RGS7: variants seen among roughly 807,000 people sequenced by gnomAD.
The protein encoded by RGS7 is regulator of G-protein signaling 7.
A neutral mutation model predicts 81.1 loss-of-function variants in RGS7; 27 were observed. The ratio of observed to expected loss-of-function variants is 0.33; its 90% confidence interval spans 0.25 to 0.46. The LOEUF (loss-of-function observed/expected upper bound fraction) is 0.46, where lower values mean the gene tolerates loss of function less well. Ranked by LOEUF, RGS7 falls within the 20% of genes least tolerant of loss-of-function variation. The probability of loss-of-function intolerance (pLI) is 1.00; values close to 1 mark genes in which losing one functional copy is unlikely to be tolerated. For missense variants in RGS7, 396 were observed against 607.4 expected (o/e 0.65, Z 3.66); for synonymous variants, 208 against 207.7 (o/e 1.00, Z -0.01).
At chr1:241,003,868 C>A (rs2148639614) in intron 3 of RGS7, among the ~76,000 whole-genome samples, 1 of 152,290 alleles carries the variant, frequency 6.6e-6, no homozygotes, top group South Asian at 2.1e-4. Context: ...CCTGCCTCAG[C>A]CTCCCAAGTA....
intron 2 of RGS7, among the ~76,000 whole-genome samples, chr1:241,103,129 G>A (rs2064879399): frequency 6.6e-6 from 1 of 151,862 alleles, no homozygotes; most frequent in Non-Finnish European, 1.5e-5. Context: ...AAAGACTCAG[G>A]TACCTCAAGT....
chr1:241,293,821 G>C (rs531016784), intron 2 of RGS7, among the ~76,000 whole-genome samples: 28 of 152,174 alleles, frequency 1.8e-4, no homozygotes, highest in Non-Finnish European at 2.9e-4. Context: ...GGAGAAATAG[G>C]AACACGTTTA....
In RGS7 at chr1:241,124,224, G is replaced by A. The variant is rs182183905; in HGVS notation, c.79-25462C>T. On this transcript the variant is annotated intron_variant, in intron 2 of 18. Transcript: ENST00000440928. ...GCCTGGGCAACATTAGTGAGACCTCGTCTCTAGAAAAAAAAAAAAAATTAG... is the reference window on the plus strand; with the variant it reads ...GCCTGGGCAACATTAGTGAGACCTCATCTCTAGAAAAAAAAAAAAAATTAG... 1.2e-3 allele frequency among the ~76,000 whole-genome samples: 183 copies of A among 146,920 alleles called. 3 individuals are homozygous for A. The highest frequency in any genetic ancestry group is 4.5e-3 in the African/African-American group (175 of 39,022).
chr1:240,964,917 A>C (rs1376460610), intron 4 of RGS7, among the ~76,000 whole-genome samples: 1 of 152,120 alleles, frequency 6.6e-6, no homozygotes, highest in Non-Finnish European at 1.5e-5. Flanking sequence ...TTCCTTTCGG[A>C]CACTTGTTCT....
At chr1:240,779,103 GT>G (rs1683508150) in intron 18 of RGS7, among the ~76,000 whole-genome samples, 1 of 18,316 alleles carries the variant, frequency 5.5e-5, no homozygotes, top group Non-Finnish European at 1.9e-4. Flanking sequence ...TGTTCTTTGT[GT>G]GTGTGTGTGT....
chr1:241,123,682 C>T (rs952633450), intron 2 of RGS7, among the ~76,000 whole-genome samples: 1 of 152,130 alleles, frequency 6.6e-6, no homozygotes, highest in African/African-American at 2.4e-5. Flanking sequence ...ACCCGGGAGG[C>T]GGAGGTGGTG....
intron 9 of RGS7, among the ~76,000 whole-genome samples, chr1:240,843,804 T>C (rs941192843): frequency 2.6e-5 from 4 of 152,214 alleles, no homozygotes; most frequent in African/African-American, 9.6e-5. Flanking sequence ...TTGAAGAAGA[T>C]AGCTGATGTC....
At chr1:240,955,546 T>A (rs6660126) in intron 4 of RGS7, among the ~76,000 whole-genome samples, 2 of 143,564 alleles carry the variant, frequency 1.4e-5, no homozygotes. Context: ...AGCAAGACTC[T>A]GTCTCAAAAA....
intron 9 of RGS7, among the ~76,000 whole-genome samples, chr1:240,841,204 T>C (rs1210154480): frequency 6.6e-6 from 1 of 152,122 alleles, no homozygotes; most frequent in African/African-American, 2.4e-5. Context: ...GGGGGTTAAG[T>C]AGTTAAAAAG....
chr1:240,885,298 T>C (rs1431131905), intron 6 of RGS7, among the ~76,000 whole-genome samples: 1 of 152,038 alleles, frequency 6.6e-6, no homozygotes, highest in Non-Finnish European at 1.5e-5. Context: ...TGCACACTCT[T>C]GGTGGGAGTG....
intron 2 of RGS7, among the ~76,000 whole-genome samples, chr1:241,104,659 ATAAAAG>A (rs201299186): frequency 0.023 from 3,530 of 152,332 alleles, 48 homozygotes; most frequent in Middle Eastern, 0.037. Flanking sequence ...ACTATGCGTG[ATAAAAG>A]TAAAAGTTAA....
intron 2 of RGS7, among the ~76,000 whole-genome samples, chr1:241,318,938 C>CA (rs2081051401): frequency 6.6e-6 from 1 of 151,840 alleles, no homozygotes; most frequent in Non-Finnish European, 1.5e-5. Context: ...TTTTTTTTAA[C>CA]AAAAAAGCAG....
intron 9 of RGS7, among the ~76,000 whole-genome samples, chr1:240,828,794 GACAA>G (rs1005757792): frequency 1.4e-4 from 22 of 152,234 alleles, no homozygotes; most frequent in East Asian, 1.4e-3. Context: ...TCTCAAAACA[GACAA>G]ACAAACAAAC....
At chr1:241,025,088 C>T (rs1440421505) in intron 3 of RGS7, among the ~76,000 whole-genome samples, 1 of 152,150 alleles carries the variant, frequency 6.6e-6, no homozygotes, top group Non-Finnish European at 1.5e-5. Context: ...AGCGCAAAAG[C>T]CACCCTTGGT....
intron 2 of RGS7, among the ~76,000 whole-genome samples, chr1:241,210,311 C>T (rs897828265): frequency 1.3e-5 from 2 of 151,984 alleles, no homozygotes; most frequent in Non-Finnish European, 2.9e-5. Context: ...CACTATGCCC[C>T]GGTAATTTTT....
At chr1:241,075,060 T>A (rs902474615) in intron 3 of RGS7, among the ~76,000 whole-genome samples, 1 of 152,150 alleles carries the variant, frequency 6.6e-6, no homozygotes, top group African/African-American at 2.4e-5. Context: ...AAGAGAAATA[T>A]CCAATAGCCT....
intron 2 of RGS7, among the ~76,000 whole-genome samples, chr1:241,197,896 A>G (rs2073197133): frequency 2.0e-5 from 3 of 151,732 alleles, no homozygotes; most frequent in South Asian, 4.1e-4. Flanking sequence ...CTACTGTATA[A>G]TAATATTCTT....
At chr1:240,987,573 G>T (rs140320773) in intron 3 of RGS7, among the ~76,000 whole-genome samples, 37 of 149,582 alleles carry the variant, frequency 2.5e-4, no homozygotes, top group African/African-American at 8.6e-4. Context: ...CACTCAGGCT[G>T]CAAGACAGTG....
At chr1:241,135,976 A>C (rs1484551387) in intron 2 of RGS7, among the ~76,000 whole-genome samples, 3 of 151,788 alleles carry the variant, frequency 2.0e-5, no homozygotes, top group African/African-American at 7.3e-5. Flanking sequence ...AAAAAAAAAA[A>C]CTAGTTTGTT....
Sources: allele counts gnomAD v4.1 joint callset (sites outside exome capture counted in the v4.1 genomes callset), GRCh38; gene constraint gnomAD v4.1.1; transcripts MANE v1.5; gene names NCBI Gene and HGNC (gene_info 2026-07-23, HGNC 2026-07-21).